RO60: variants seen among roughly 807,000 people sequenced by gnomAD.
RO60 encodes Ro60, Y RNA binding protein.
RO60 carries 20 observed loss-of-function variants against 55.3 expected under a neutral mutation model. That is an observed-to-expected ratio of 0.36 (90% CI 0.25 to 0.53). The LOEUF (loss-of-function observed/expected upper bound fraction) is 0.53, where lower values mean the gene tolerates loss of function less well. Ranked by LOEUF, RO60 falls within the 20% of genes least tolerant of loss-of-function variation. The pLI is 0.92. For missense variants in RO60, 558 were observed against 646.6 expected (o/e 0.86, Z 1.49); for synonymous variants, 213 against 213.6 (o/e 1.00, Z 0.02).
chr1:193,069,582 C>T lies in RO60; in HGVS notation c.528C>T (p.Gly176=). 1 of 1,614,092 alleles carries T rather than the reference C, an allele frequency of 6.2e-7. No individual in the cohort carries two copies. Among genetic ancestry groups the T allele is most frequent in the South Asian group, 1.1e-5 (1 of 91,086 alleles). The change falls in exon 2 of 9, where the codon GGC becomes GGT. Residue 176 remains glycine, a synonymous_variant. Transcript: ENST00000400968. ...LAVTKYKQRN[G]WSHKDLLRLS... ...TTACAAAATATAAACAGAGAAATGGCTGGTCTCACAAAGATCTATTAAGAT... is the reference window on the plus strand; with the variant it reads ...TTACAAAATATAAACAGAGAAATGGTTGGTCTCACAAAGATCTATTAAGAT...
intron 8 of RO60, 44 bp downstream of exon 8, chr1:193,082,752 T>C: frequency 6.6e-7 from 1 of 1,514,844 alleles, no homozygotes; most frequent in Non-Finnish European, 8.9e-7. Flanking sequence ...ATAATATTAT[T>C]TTAATACTTG....
rs774667879 is a variant in RO60 at position 193,069,188 on chromosome 1, C to T, written c.134C>T (p.Thr45Ile). The T allele has an allele frequency of 1.5e-5, 25 of 1,614,002 alleles. No individual in the cohort carries two copies. The Admixed American group carries it at 3.5e-4, about 23-fold the overall frequency. ...RFLCFGSEGG[T>I]YYIKEQKLGL... The stretch of plus-strand genomic sequence containing the variant: ...TTATGTTTCGGTTCTGAAGGTGGGA[C>T]TTATTATATCAAAGAACAGAAGTTG... Residue 45 changes from threonine to isoleucine, a missense_variant, in exon 2 of 9, where the codon ACT (threonine) becomes ATT (isoleucine). By Grantham distance (89) the Thr-to-Ile change is moderately conservative. Coordinates refer to ENST00000400968, the MANE Select transcript of RO60 (RefSeq NM_001173524.2).
At chr1:193,083,720 T>A (rs1674474203) in intron 8 of RO60, among the ~76,000 whole-genome samples, 1 of 152,210 alleles carries the variant, frequency 6.6e-6, no homozygotes. Context: ...AGGCTTAAGT[T>A]TGAAAGCTGC....
Position 193,076,023 on chromosome 1 carries a change from C to A in RO60, c.784C>A (p.His262Asn). 1.2e-6 allele frequency: 2 copies of A among 1,605,522 alleles called. No individual in the cohort carries two copies. Among genetic ancestry groups the A allele is most frequent in the South Asian group, 1.1e-5 (1 of 89,868 alleles). ...AGTTAGAGAACATCTTTTAACAAAT[C>A]ACTTAAAGTCTAAAGAGGTGAGTGA... Reference protein sequence around the residue: ...RLVREHLLTNHLKSKEVWKAL... With the variant: ...RLVREHLLTNNLKSKEVWKAL... The change falls in exon 3 of 9, where the codon CAC becomes AAC. Residue 262 changes from histidine (H) to asparagine (N), a missense_variant. Physicochemically the swap from His to Asn is moderately conservative, Grantham distance 68. Coordinates refer to ENST00000400968, the MANE Select transcript of RO60 (RefSeq NM_001173524.2).
At chr1:193,082,777 T>A (rs1272841766) in intron 8 of RO60, 69 bp downstream of exon 8, 5 of 1,401,472 alleles carry the variant, frequency 3.6e-6, no homozygotes. Flanking sequence ...TTTTTTTTTT[T>A]TTTTGGAGAC....
At chr1:193,072,890 T>C (rs1399120927) in intron 2 of RO60, among the ~76,000 whole-genome samples, 1 of 152,242 alleles carries the variant, frequency 6.6e-6, no homozygotes, top group Non-Finnish European at 1.5e-5. Context: ...AATTTGAAAT[T>C]GTTGAGGGCA....
At chr1:193,077,372 G>A (rs1336050114) in intron 5 of RO60, among the ~76,000 whole-genome samples, 3 of 152,104 alleles carry the variant, frequency 2.0e-5, no homozygotes, top group South Asian at 2.1e-4. Flanking sequence ...AGGTTTAATC[G>A]GCTCATGGTT....
chr1:193,076,523 A>G lies in RO60; in HGVS notation c.824A>G (p.Glu275Gly). The change falls in exon 4 of 9, where the codon GAA becomes GGA. Residue 275 changes from glutamate (E) to glycine (G), a missense_variant. Transcript: ENST00000400968. ...TAGGTATGGAAGGCTTTGTTACAAG[A>G]AATGCCGCTTACTGCATTACTAAGG... is the stretch of plus-strand genomic sequence containing the variant. ...SKEVWKALLQ[E>G]MPLTALLRNL... 1 of 1,611,342 alleles carries G rather than the reference A, an allele frequency of 6.2e-7. No individual in the cohort carries two copies. The highest frequency in any genetic ancestry group is 1.3e-5 in the African/African-American group (1 of 74,902).
rs1247910069 is a variant in RO60, at chr1:193,061,569, G to A, written c.-22+1793G>A. Among the ~76,000 whole-genome samples the A allele has an allele frequency of 2.6e-5, 4 of 152,240 alleles. No individual in the cohort carries two copies. In the South Asian group the frequency reaches 8.3e-4, roughly 32 times the overall value. ...ATACTGTATATGCTGTAGTTCTGAT[G>A]ATTGTGAAACAAGTGCTATTATATA... is the stretch of plus-strand genomic sequence containing the variant. On this transcript the variant is annotated intron_variant, in intron 1 of 8. Coordinates refer to ENST00000400968, the MANE Select transcript of RO60 (RefSeq NM_001173524.2).
rs899479783 is a variant in RO60, at chr1:193,084,968, T to C, written c.*237T>C. The C allele has an allele frequency of 3.2e-6, 5 of 1,545,148 alleles. No homozygotes were observed. In the East Asian group the frequency reaches 7.3e-5, roughly 23 times the overall value. On this transcript the variant is annotated 3_prime_UTR_variant, in exon 9 of 9. Transcript: ENST00000400968. ...GGATACTGTAGTTTCCTCTATCTAA[T>C]AGAGAACTTTTTGTTAACAGACACT...
At chr1:193,064,794 CTT>C (rs1328686877) in intron 1 of RO60, among the ~76,000 whole-genome samples, 2 of 152,106 alleles carry the variant, frequency 1.3e-5, no homozygotes, top group Non-Finnish European at 2.9e-5. Context: ...GAATAAGTAA[CTT>C]TATTTCTTCT....
Position 193,085,849 on chromosome 1 carries a change from A to T in RO60, c.*1118A>T, listed in dbSNP as rs1674603144. 1 of 985,228 alleles carries T rather than the reference A, an allele frequency of 1.0e-6. No homozygotes were observed. The highest frequency in any genetic ancestry group is 1.2e-6 in the Non-Finnish European group (1 of 829,864). 61.0% of individuals were successfully genotyped at this position (985,228 alleles called of 1,614,324 possible). A position where few individuals can be genotyped will look rare whatever the true frequency, so the allele number is the denominator to read the frequency against. ...GGCAATTTTTGAGTAGCATATTACC[A>T]GCTAGCCAGTCACTAGGAATTTTTT... On this transcript the variant is annotated 3_prime_UTR_variant, in exon 9 of 9. Transcript: ENST00000400968.
Position 193,069,201 on chromosome 1 carries a change from A to T in RO60, c.147A>T (p.Lys49Asn), listed in dbSNP as rs1385867153. Residue 49 changes from lysine to asparagine, a missense_variant, in exon 2 of 9, where the codon AAA becomes AAT. Coordinates refer to ENST00000400968, the MANE Select transcript of RO60 (RefSeq NM_001173524.2). ...CTGAAGGTGGGACTTATTATATCAAAGAACAGAAGTTGGGCCTTGAAAATG... is the reference window on the plus strand; with the variant it reads ...CTGAAGGTGGGACTTATTATATCAATGAACAGAAGTTGGGCCTTGAAAATG... ...FGSEGGTYYI[K>N]EQKLGLENAE... The T allele has an allele frequency of 6.2e-7, 1 of 1,614,262 alleles. No individual in the cohort carries two copies. Among genetic ancestry groups the T allele is most frequent in the South Asian group, 1.1e-5 (1 of 91,090 alleles).
At chr1:193,062,361 T>C (rs542078351) in intron 1 of RO60, among the ~76,000 whole-genome samples, 44 of 152,354 alleles carry the variant, frequency 2.9e-4, no homozygotes, top group African/African-American at 1.0e-3. Flanking sequence ...AAGTCAAATA[T>C]AAAAATTGTA....
At chr1:193,070,582 G>T (rs1046226357) in intron 2 of RO60, 1 of 448,060 alleles carries the variant, frequency 2.2e-6, no homozygotes, top group South Asian at 1.6e-5. Context: ...CCACTCAGAA[G>T]GGTGGGTTCA....
downstream of RO60, chr1:193,091,716 T>C: frequency 6.3e-7 from 1 of 1,596,860 alleles, no homozygotes; most frequent in Non-Finnish European, 8.6e-7. Flanking sequence ...CTGTGTGAAC[T>C]GTTTTTGGTC....
intron 1 of RO60, among the ~76,000 whole-genome samples, chr1:193,063,850 G>A (rs1672941009): frequency 6.6e-6 from 1 of 152,230 alleles, no homozygotes; most frequent in South Asian, 2.1e-4. Flanking sequence ...TCACTAGAAT[G>A]ACTCACATAA....
rs896349927 is a variant in RO60 at position 193,088,272 on chromosome 1, G to C, written c.*3541G>C. ...AGGGATCTTCCTGCCTTGGCCTCCC[G>C]AAGTGCTGGAATTAGAGGCATGAGC... is the stretch of plus-strand genomic sequence containing the variant. On this transcript the variant is annotated 3_prime_UTR_variant, in exon 9 of 9. Transcript: ENST00000400968. 1 of 145,860 alleles carries C rather than the reference G, an allele frequency of 6.9e-6. No homozygotes were observed. The highest frequency in any genetic ancestry group is 7.1e-5 in the Admixed American group (1 of 14,140). 9.0% of individuals were successfully genotyped at this position (145,860 alleles called of 1,614,324 possible).
intron 2 of RO60, among the ~76,000 whole-genome samples, chr1:193,074,746 C>G (rs1057005426): frequency 6.6e-6 from 1 of 152,118 alleles, no homozygotes; most frequent in African/African-American, 2.4e-5. Context: ...AATTAGATAC[C>G]ATTTGTGAAT....
Sources: gnomAD v4.1 joint callset for allele counts (sites outside exome capture counted in the v4.1 genomes callset) on GRCh38, gnomAD v4.1.1 for gene constraint, MANE v1.5 for transcripts, NCBI Gene and HGNC (gene_info 2026-07-23, HGNC 2026-07-21) for gene names.